The following ERP44 variants were observed in gnomAD, a reference collection of about 807,000 sequenced individuals.
ERP44 encodes endoplasmic reticulum protein 44.
ERP44 carries 25 observed loss-of-function variants against 53.4 expected under a neutral mutation model. The observed-to-expected ratio is 0.47, with a 90% CI of 0.34 to 0.65. The LOEUF (loss-of-function observed/expected upper bound fraction) is 0.65, where lower values mean the gene tolerates loss of function less well. Among genes scored for constraint, ERP44 ranks in the 30% least tolerant of loss-of-function variants. The probability of loss-of-function intolerance (pLI) is 0.01; values close to 1 mark genes in which losing one functional copy is unlikely to be tolerated. For synonymous variants in ERP44, 145 were observed against 161.2 expected (o/e 0.90, Z 0.76); for missense variants, 338 against 493.2 (o/e 0.69, Z 2.98).
At chr9:100,063,449 G>C (rs10988959) in intron 1 of ERP44, among the ~76,000 whole-genome samples, 2,224 of 152,096 alleles carry the variant, frequency 0.015, 27 homozygotes, top group Middle Eastern at 0.034. Flanking sequence ...TCCACTAGTC[G>C]GACAAATTGT....
chr9:100,042,006 C>T (rs1396359313), intron 4 of ERP44, among the ~76,000 whole-genome samples: 1 of 152,204 alleles, frequency 6.6e-6, no homozygotes, highest in Non-Finnish European at 1.5e-5. Flanking sequence ...GCAAAGACTT[C>T]TTGAGCAATC....
At chr9:100,009,731 C>T (rs1268640637) in intron 8 of ERP44, among the ~76,000 whole-genome samples, 1 of 152,210 alleles carries the variant, frequency 6.6e-6, no homozygotes, top group Non-Finnish European at 1.5e-5. Flanking sequence ...AGGTTTCCAT[C>T]TGCCTGCTTA....
At chr9:100,074,037 T>C (rs1448502157) in intron 1 of ERP44, among the ~76,000 whole-genome samples, 1 of 152,332 alleles carries the variant, frequency 6.6e-6, no homozygotes, top group Non-Finnish European at 1.5e-5. Context: ...ATTCAAACAA[T>C]ACTGCTCAAA....
chr9:100,083,489 C>T (rs1240328775), intron 1 of ERP44, among the ~76,000 whole-genome samples: 1 of 152,112 alleles, frequency 6.6e-6, no homozygotes, highest in Non-Finnish European at 1.5e-5. Context: ...GTTGAAAGTA[C>T]AATGAGTCAA....
At chr9:99,999,899 T>C (rs1265345156) in intron 10 of ERP44, among the ~76,000 whole-genome samples, 1 of 152,198 alleles carries the variant, frequency 6.6e-6, no homozygotes, top group Non-Finnish European at 1.5e-5. Flanking sequence ...CATGTAGATA[T>C]CCAGTTTCCC....
chr9:99,997,741 A>G (rs930394672), intron 10 of ERP44, among the ~76,000 whole-genome samples: 1 of 152,110 alleles, frequency 6.6e-6, no homozygotes, highest in African/African-American at 2.4e-5. Context: ...CAATAGTTGA[A>G]GCTATTGGGT....
At chr9:100,082,152 G>A (rs1377074427) in intron 1 of ERP44, among the ~76,000 whole-genome samples, 1 of 152,068 alleles carries the variant, frequency 6.6e-6, no homozygotes, top group Non-Finnish European at 1.5e-5. Flanking sequence ...AAGGACACTT[G>A]AGCTTGTAGA....
rs56798375 is a variant in ERP44, at chr9:99,982,428, T to TA, written c.*183dup. The TA allele has an allele frequency of 1.7e-5, 5 of 295,148 alleles. No homozygotes were observed. The South Asian group carries it at 4.8e-4, about 28-fold the overall frequency. 18.3% of individuals were successfully genotyped at this position (295,148 alleles called of 1,614,324 possible). ...TAAATCCTAGCAGGTTTTTTTTTTT[T>TA]AAGAGGCTACTATATTAAATGACAA... is the stretch of plus-strand genomic sequence containing the variant. On this transcript the variant is annotated 3_prime_UTR_variant, in exon 12 of 12. Transcript: ENST00000262455.
intron 5 of ERP44, among the ~76,000 whole-genome samples, chr9:100,021,299 T>A (rs922399088): frequency 5.9e-5 from 9 of 152,222 alleles, no homozygotes; most frequent in African/African-American, 2.2e-4. Flanking sequence ...TCCTGTGACA[T>A]AACCCAGTGC....
At position 100,006,517 on chromosome 9, in the gene ERP44, G is replaced by T; in HGVS notation, c.1005C>A (p.Phe335Leu). ...AAATGAATACTCACAATACATCTTT[G>T]AAGTCTCCAAACACATACATATGCC... ...SFRHMYVFGDFKDVLIPGKLK... is the reference protein window; with the variant it reads ...SFRHMYVFGDLKDVLIPGKLK... Residue 335 changes from phenylalanine to leucine, a missense_variant, in exon 10 of 12, where the codon TTC becomes TTA. Phe to Leu is a conservative substitution (Grantham distance 22). Coordinates refer to ENST00000262455, the MANE Select transcript of ERP44 (RefSeq NM_015051.3). 2 of 1,603,576 alleles carry T rather than the reference G, an allele frequency of 1.2e-6. No individual in the cohort carries two copies. The highest frequency in any genetic ancestry group is 1.7e-6 in the Non-Finnish European group (2 of 1,176,422).
chr9:100,005,636 T>C (rs929568111), intron 10 of ERP44, among the ~76,000 whole-genome samples: 3 of 152,206 alleles, frequency 2.0e-5, no homozygotes, highest in African/African-American at 7.2e-5. Flanking sequence ...GGTAAGTGAC[T>C]TTCCCAAGGC....
chr9:100,077,043 G>A (rs1464430964), intron 1 of ERP44, among the ~76,000 whole-genome samples: 3 of 152,202 alleles, frequency 2.0e-5, no homozygotes. Flanking sequence ...CCTTTCCTCA[G>A]GGTGATCAGC....
intron 8 of ERP44, 117 bp from the exon 9 acceptor site, chr9:100,007,806 G>T (rs907901817): frequency 5.9e-6 from 4 of 675,466 alleles, no homozygotes; most frequent in East Asian, 2.7e-5. Flanking sequence ...CAATATCCCG[G>T]GGGAAAAAAA....
chr9:100,070,007 G>A (rs1826282072), intron 1 of ERP44, among the ~76,000 whole-genome samples: 1 of 152,124 alleles, frequency 6.6e-6, no homozygotes, highest in African/African-American at 2.4e-5. Flanking sequence ...TCAGAGCTGG[G>A]GGTGAACTTC....
At chr9:100,006,261 C>A (rs1054656527) in intron 10 of ERP44, among the ~76,000 whole-genome samples, 1 of 152,150 alleles carries the variant, frequency 6.6e-6, no homozygotes, top group Admixed American at 6.5e-5. Flanking sequence ...AATCACTAAT[C>A]ATCCAAGCAT....
intron 8 of ERP44, among the ~76,000 whole-genome samples, chr9:100,009,079 A>G (rs554447191): frequency 6.6e-6 from 1 of 152,194 alleles, no homozygotes; most frequent in Admixed American, 6.5e-5. Context: ...GGTTTTAATT[A>G]TATTCACAAG....
At chr9:100,076,749 T>G (rs1826361256) in intron 1 of ERP44, among the ~76,000 whole-genome samples, 2 of 152,216 alleles carry the variant, frequency 1.3e-5, no homozygotes, top group Non-Finnish European at 2.9e-5. Flanking sequence ...GATATTTGTA[T>G]CCCATGTGAG....
intron 1 of ERP44, among the ~76,000 whole-genome samples, chr9:100,094,807 A>G (rs1194117603): frequency 6.5e-5 from 3 of 46,068 alleles, no homozygotes; most frequent in African/African-American, 1.1e-4. Context: ...TACAAAAATT[A>G]AAAAAAATTA....
intron 11 of ERP44, among the ~76,000 whole-genome samples, chr9:99,983,407 C>T (rs938685787): frequency 2.0e-5 from 3 of 151,324 alleles, no homozygotes; most frequent in East Asian, 1.9e-4. Context: ...TAGCCGGGCG[C>T]GGTGGCGGGC....
Sources: allele counts gnomAD v4.1 joint callset (sites outside exome capture counted in the v4.1 genomes callset), GRCh38; gene constraint gnomAD v4.1.1; transcripts MANE v1.5; gene names NCBI Gene and HGNC (gene_info 2026-07-23, HGNC 2026-07-21).